Variants in ALG13 observed in about 807,000 individuals in gnomAD.
ALG13 encodes the protein ALG13 UDP-N-acetylglucosaminyltransferase subunit, also known as UDP-N-acetylglucosamine transferase subunit ALG13.
In ALG13, 11 loss-of-function variants were observed where a neutral mutation model predicts 87.8. That is an observed-to-expected ratio of 0.13 (90% CI 0.08 to 0.21). The LOEUF (loss-of-function observed/expected upper bound fraction) is 0.21, where lower values mean the gene tolerates loss of function less well. ALG13 is among the 10% of genes least tolerant of loss of function. ALG13 has a pLI of 1.00. For synonymous variants in ALG13, 320 were observed against 306.3 expected, an observed-to-expected ratio of 1.04 and a Z score of -0.47; for missense variants, 756 against 866.1, an observed-to-expected ratio of 0.87 and a Z score of 1.60.
intron 3 of ALG13, 96 bp from the exon 4 acceptor site, chrX:111,707,931 G>C (rs1183543351): frequency 4.2e-6 from 4 of 950,938 alleles, no homozygotes; most frequent in Non-Finnish European, 5.6e-6. Flanking sequence ...TTCCCAAGGA[G>C]GTAACTCTAA....
At chrX:111,739,051 C>A (rs746676797) in intron 23 of ALG13, among the ~76,000 whole-genome samples, 1 of 111,798 alleles carries the variant, frequency 8.9e-6, no homozygotes, top group South Asian at 3.7e-4. Context: ...TGTTTTCACA[C>A]TGCTATAAAG....
chrX:111,682,103 G>C lies in ALG13; in HGVS notation c.82-29G>C, dbSNP rs369213082. The C allele has an allele frequency of 7.0e-6, 8 of 1,142,423 alleles. No homozygotes were observed. The African/African-American group carries it at 1.3e-4, about 18-fold the overall frequency. The allele number at this position is 1,142,423 out of a possible 1,213,427, so 94.1% of individuals were successfully genotyped here. A position where few individuals can be genotyped will look rare whatever the true frequency, so the allele number is the denominator to read the frequency against. On this transcript the variant is annotated intron_variant, in intron 1 of 26. Coordinates refer to ENST00000394780, the MANE Select transcript of ALG13 (RefSeq NM_001099922.3). ...TCTGTTTTACATAGCCAGTTTAAAA[G>C]GCCCTCACATTCTGATTTCCTCTTT...
At position 111,682,313 on chromosome X, in the gene ALG13, C is replaced by T. The variant is rs779616500; in HGVS notation, c.244+19C>T. ...CACGCAGGTAAAGGTGCCTAAGAATCTCAGGGTTGGGTCTTTTAATTTTAA... is the reference window on the plus strand; with the variant it reads ...CACGCAGGTAAAGGTGCCTAAGAATTTCAGGGTTGGGTCTTTTAATTTTAA... On this transcript the variant is annotated intron_variant, in intron 2 of 26. Transcript: ENST00000394780. The T allele has an allele frequency of 8.8e-7, 1 of 1,140,580 alleles. No individual in the cohort carries two copies. The highest frequency in any genetic ancestry group is 2.8e-5 in the Admixed American group (1 of 35,503). The allele number at this position is 1,140,580 out of a possible 1,213,427, so 94.0% of individuals were successfully genotyped here. A position where few individuals can be genotyped will look rare whatever the true frequency, so the allele number is the denominator to read the frequency against.
At chrX:111,756,983 T>C (rs1161082628) in intron 25 of ALG13, among the ~76,000 whole-genome samples, 2 of 112,037 alleles carry the variant, frequency 1.8e-5, no homozygotes, top group Non-Finnish European at 3.8e-5. Flanking sequence ...CATCATAGAA[T>C]ACCAGGAGAT....
Position 111,682,115 on chromosome X carries a change from C to T in ALG13, c.82-17C>T, listed in dbSNP as rs1933570723. 1 of 1,160,176 alleles carries T rather than the reference C, an allele frequency of 8.6e-7. No homozygotes were observed. ...AGCCAGTTTAAAAGGCCCTCACATT[C>T]TGATTTCCTCTTTCAGAAAATCGAG... On this transcript the variant is annotated splice_polypyrimidine_tract_variant and intron_variant, in intron 1 of 26. Transcript: ENST00000394780.
intron 8 of ALG13, 28 bp from the exon 9 acceptor site, chrX:111,717,818 C>G: frequency 9.5e-7 from 1 of 1,054,761 alleles, no homozygotes; most frequent in East Asian, 3.1e-5. Context: ...GTAACATTCA[C>G]TTAATTGTTC....
intron 24 of ALG13, among the ~76,000 whole-genome samples, chrX:111,746,848 C>T (rs1463454882): frequency 9.0e-6 from 1 of 111,636 alleles, no homozygotes; most frequent in Non-Finnish European, 1.9e-5. Flanking sequence ...CGTTTATTGT[C>T]GCCACACTCC....
chrX:111,719,025 CTTTTTTTTTTT>C (rs1174274292), intron 10 of ALG13, among the ~76,000 whole-genome samples: 1 of 82,443 alleles, frequency 1.2e-5, no homozygotes, highest in Non-Finnish European at 2.2e-5. Flanking sequence ...AATTTTTTTT[CTTTTTTTTTTT>C]TTTTTTTTGA....
intron 23 of ALG13, among the ~76,000 whole-genome samples, chrX:111,738,267 A>T (rs143805261): frequency 2.9e-4 from 33 of 112,457 alleles, no homozygotes; most frequent in African/African-American, 1.0e-3. Flanking sequence ...TTGAGCAAAT[A>T]CAGGTTGAGT....
intron 11 of ALG13, among the ~76,000 whole-genome samples, chrX:111,721,070 T>C (rs1473431316): frequency 2.0e-5 from 2 of 102,129 alleles, no homozygotes; most frequent in African/African-American, 7.0e-5. Context: ...TTTTTTTTTT[T>C]AAGAAGGAAG....
chrX:111,759,260 T>C (rs1259401975), intron 26 of ALG13, among the ~76,000 whole-genome samples: 2 of 110,314 alleles, frequency 1.8e-5, no homozygotes, highest in African/African-American at 6.6e-5. Context: ...AATGTGATCT[T>C]AATGACATTC....
At chrX:111,740,104 A>G (rs1377429242) in intron 23 of ALG13, among the ~76,000 whole-genome samples, 2 of 111,690 alleles carry the variant, frequency 1.8e-5, no homozygotes, top group African/African-American at 3.3e-5. Flanking sequence ...AGTTGAGACT[A>G]TACTATGTAA....
At position 111,726,975 on chromosome X, in the gene ALG13, A is replaced by T. The variant is rs1258429433; in HGVS notation, c.1896A>T (p.Thr632=). 8.3e-7 allele frequency: 1 copy of T among 1,209,929 alleles called. No homozygotes were observed. The highest frequency in any genetic ancestry group is 3.0e-5 in the East Asian group (1 of 33,779). The change falls in exon 16 of 27, where the codon ACA becomes ACT. Residue 632 remains threonine (T), a synonymous_variant. Coordinates refer to ENST00000394780, the MANE Select transcript of ALG13 (RefSeq NM_001099922.3). ...ATCCTCCAATGCACTACTCACAGAC[A>T]GCTGGCAATGTTATGTCTAATGAAC... The part of the protein sequence containing the change: ...GHDPPMHYSQ[T]AGNVMSNEHF...
chrX:111,685,078 G>A lies in ALG13; in HGVS notation c.358G>A (p.Gly120Ser), dbSNP rs778521226. ...LELAKQLHKEGHLFYCTCRVL... is the reference protein window; with the variant it reads ...LELAKQLHKESHLFYCTCRVL... ...ACTGGCAAAGCAGCTACACAAAGAG[G>A]GTCATCTCTTCTATTGTACCTGCAG... is the stretch of plus-strand genomic sequence containing the variant. Residue 120 changes from glycine (G) to serine (S), a missense_variant, in exon 3 of 27, where the codon GGT (glycine) becomes AGT (serine). By Grantham distance (56) the Gly-to-Ser change is moderately conservative. Around this residue, in one of 9 missense-constraint regions of ALG13, gnomAD observed 153 missense variants for 168.7 expected, o/e 0.91. Transcript: ENST00000394780. 3.3e-6 allele frequency: 4 copies of A among 1,209,512 alleles called. No individual in the cohort carries two copies. The South Asian group carries it at 5.3e-5, about 16-fold the overall frequency.
intron 24 of ALG13, among the ~76,000 whole-genome samples, chrX:111,746,459 G>A (rs1569522237): frequency 9.0e-6 from 1 of 111,627 alleles, no homozygotes; most frequent in Non-Finnish European, 1.9e-5. Context: ...TCTTAAACTT[G>A]GCATAATTTT....
intron 6 of ALG13, 138 bp downstream of exon 6, chrX:111,711,863 C>A: frequency 3.5e-6 from 2 of 571,766 alleles, no homozygotes; most frequent in Non-Finnish European, 5.4e-6. Flanking sequence ...CAATAGTTCT[C>A]ACATAAGTTT....
Position 111,752,896 on chromosome X carries a change from A to G in ALG13, c.2973+66A>G, listed in dbSNP as rs373754010. The G allele has an allele frequency of 6.8e-6, 6 of 882,464 alleles. No homozygotes were observed. In the African/African-American group the frequency reaches 1.0e-4, roughly 15 times the overall value. The allele number at this position is 882,464 out of a possible 1,213,427, so 72.7% of individuals were successfully genotyped here. On this transcript the variant is annotated intron_variant, in intron 25 of 26. Coordinates refer to ENST00000394780, the MANE Select transcript of ALG13 (RefSeq NM_001099922.3). ...CAAAGTATAGACCGTTTTGATAATC[A>G]GACTCTTGAACTTCGAAAGCCAAAA...
intron 3 of ALG13, chrX:111,689,289 A>G (rs1935694109): frequency 6.7e-6 from 5 of 749,435 alleles, no homozygotes; most frequent in Non-Finnish European, 4.7e-6. Flanking sequence ...ATCCAGGGAG[A>G]GAATCTTTAG....
intron 25 of ALG13, 153 bp downstream of exon 25, chrX:111,752,983 G>T (rs1253424708): frequency 2.4e-6 from 1 of 413,580 alleles, no homozygotes; most frequent in African/African-American, 2.6e-5. Context: ...ACATAGTTCA[G>T]TTGTCTGCTT....
Sources: allele counts gnomAD v4.1 joint callset (sites outside exome capture counted in the v4.1 genomes callset), GRCh38; gene constraint gnomAD v4.1.1; regional missense constraint gnomAD v4.1.1; transcripts MANE v1.5; gene names NCBI Gene and HGNC (gene_info 2026-07-23, HGNC 2026-07-21).